KIF6: variants seen among roughly 807,000 people sequenced by gnomAD.
KIF6 encodes kinesin-like protein KIF6.
KIF6 carries 106 observed loss-of-function variants against 112.7 expected under a neutral mutation model. The observed-to-expected ratio is 0.94, with a 90% CI of 0.80 to 1.11. The LOEUF (loss-of-function observed/expected upper bound fraction) is 1.11, where lower values mean the gene tolerates loss of function less well. KIF6 is among the 50% of genes least tolerant of loss of function. The pLI is 0.00. For synonymous variants in KIF6, 339 were observed against 339.9 expected, an observed-to-expected ratio of 1.00 and a Z score of 0.03; for missense variants, 929 against 964.0, an observed-to-expected ratio of 0.96 and a Z score of 0.48.
chr6:39,508,389 A>G (rs1305512251), intron 13 of KIF6, among the ~76,000 whole-genome samples: 2 of 152,066 alleles, frequency 1.3e-5, no homozygotes, highest in African/African-American at 4.8e-5. Context: ...ATGGAGGGTG[A>G]GCCGAAGCAG....
chr6:39,611,917 C>G (rs971779072), intron 6 of KIF6, among the ~76,000 whole-genome samples: 2 of 151,756 alleles, frequency 1.3e-5, no homozygotes, highest in African/African-American at 2.4e-5. Flanking sequence ...ATTTGTAAAG[C>G]AAAACAAAAT....
At chr6:39,433,435 A>G (rs1265207155) in intron 13 of KIF6, among the ~76,000 whole-genome samples, 1 of 152,166 alleles carries the variant, frequency 6.6e-6, no homozygotes, top group Non-Finnish European at 1.5e-5. Flanking sequence ...AAAGACTTAC[A>G]ATGGAATAAA....
chr6:39,496,941 ATGCTAGATTAAT>A (rs1436952338), intron 13 of KIF6, among the ~76,000 whole-genome samples: 1 of 152,258 alleles, frequency 6.6e-6, no homozygotes, highest in African/African-American at 2.4e-5. Flanking sequence ...AACTGCCACC[ATGCTAGATTAAT>A]TGCTTGGGTC....
chr6:39,720,845 T>C (rs1406148876), intron 1 of KIF6, 34 bp from the exon 2 acceptor site: 2 of 932,764 alleles, frequency 2.1e-6, no homozygotes, highest in Admixed American at 3.5e-5. Context: ...GGATATAAAA[T>C]GGTGAAATTA....
chr6:39,498,725 A>C (rs1404731865), intron 13 of KIF6, among the ~76,000 whole-genome samples: 1 of 152,184 alleles, frequency 6.6e-6, no homozygotes, highest in African/African-American at 2.4e-5. Flanking sequence ...AGTCAATATA[A>C]TAAATATTTT....
At chr6:39,347,129 T>C (rs1763868441) in intron 19 of KIF6, among the ~76,000 whole-genome samples, 1 of 152,224 alleles carries the variant, frequency 6.6e-6, no homozygotes, top group African/African-American at 2.4e-5. Flanking sequence ...ATTTTATACA[T>C]GAGAAAACTG....
At chr6:39,344,040 T>C (rs1763520417) in intron 21 of KIF6, among the ~76,000 whole-genome samples, 1 of 152,048 alleles carries the variant, frequency 6.6e-6, no homozygotes, top group Non-Finnish European at 1.5e-5. Context: ...CCTGATATGG[T>C]TTGGCTGTGT....
chr6:39,336,973 TCTCTTTC>T lies in KIF6; in HGVS notation c.2429-432_2429-426del, dbSNP rs1464959513. Among the ~76,000 whole-genome samples the T allele has an allele frequency of 2.3e-3, 333 of 144,646 alleles. 2 individuals carry two copies. Among genetic ancestry groups the T allele is most frequent in the African/African-American group, 9.0e-3 (316 of 35,254 alleles). 94.9% of individuals were successfully genotyped at this position (144,646 alleles called of 152,430 possible). ...TCTCTTTCTTCTCTTTCATTCTTTC[TCTCTTTC>T]TCTCCCCTTCTTTCCTTCCTTTCTT... On this transcript the variant is annotated intron_variant, in intron 22 of 22. Transcript: ENST00000287152.
rs868498304 is a variant in KIF6 at position 39,515,402 on chromosome 6, C to A, written c.1645+24601G>T. Among the ~76,000 whole-genome samples, 43 of 152,194 alleles carry A rather than the reference C, an allele frequency of 2.8e-4. 1 individual carries two copies. The highest frequency in any genetic ancestry group is 8.9e-4 in the African/African-American group (37 of 41,446). On this transcript the variant is annotated intron_variant, in intron 13 of 22. Coordinates refer to ENST00000287152, the MANE Select transcript of KIF6 (RefSeq NM_145027.6). ...TGTACCCACATGAACTTGGCCCACTCTGTGCCCTCTCCTTGGGCGCAATCA... is the reference window on the plus strand; with the variant it reads ...TGTACCCACATGAACTTGGCCCACTATGTGCCCTCTCCTTGGGCGCAATCA...
intron 13 of KIF6, among the ~76,000 whole-genome samples, chr6:39,531,268 T>C (rs193077363): frequency 1.2e-4 from 18 of 152,340 alleles, no homozygotes; most frequent in Admixed American, 1.1e-3. Context: ...ACTTTATTCA[T>C]TCTCCAAACA....
At chr6:39,662,238 C>T (rs1786194656) in intron 3 of KIF6, among the ~76,000 whole-genome samples, 1 of 152,076 alleles carries the variant, frequency 6.6e-6, no homozygotes, top group Non-Finnish European at 1.5e-5. Context: ...TTAAGAGAGG[C>T]TGATTTACTA....
chr6:39,407,329 A>G (rs536179588), intron 15 of KIF6, among the ~76,000 whole-genome samples: 1 of 152,160 alleles, frequency 6.6e-6, no homozygotes, highest in Non-Finnish European at 1.5e-5. Flanking sequence ...TATAAACTTT[A>G]TATCTTTGAT....
At chr6:39,715,147 C>T (rs958414289) in intron 2 of KIF6, among the ~76,000 whole-genome samples, 9 of 152,230 alleles carry the variant, frequency 5.9e-5, no homozygotes, top group African/African-American at 2.2e-4. Context: ...AGCCAAGGAA[C>T]TTCTAATATC....
chr6:39,518,639 T>G (rs578163025), intron 13 of KIF6, among the ~76,000 whole-genome samples: 2 of 152,336 alleles, frequency 1.3e-5, no homozygotes, highest in South Asian at 4.1e-4. Flanking sequence ...AAAGATGTCA[T>G]GTATATATTC....
Position 39,385,644 on chromosome 6 carries a change from C to T in KIF6, c.1839G>A (p.Arg613=), listed in dbSNP as rs1319708043. The T allele has an allele frequency of 6.2e-7, 1 of 1,613,702 alleles. No homozygotes were observed. Among genetic ancestry groups the T allele is most frequent in the Non-Finnish European group, 8.5e-7 (1 of 1,179,734 alleles). ...IGHLKEEITQ[R]HIQQVALGIS... ...TACCTAGGGCTACTTGCTGTATATGCCGCTGGGTGATTTCTTCCTTCAGGT... is the reference window on the plus strand; with the variant it reads ...TACCTAGGGCTACTTGCTGTATATGTCGCTGGGTGATTTCTTCCTTCAGGT... Residue 613 remains arginine, a synonymous_variant, in exon 16 of 23, where the codon CGG becomes CGA. Coordinates refer to ENST00000287152, the MANE Select transcript of KIF6 (RefSeq NM_145027.6).
At chr6:39,673,311 T>C (rs1382523313) in intron 3 of KIF6, among the ~76,000 whole-genome samples, 1 of 152,190 alleles carries the variant, frequency 6.6e-6, no homozygotes, top group Non-Finnish European at 1.5e-5. Flanking sequence ...CCAAGTCTCA[T>C]ATAATACAGA....
chr6:39,344,211 C>T (rs546455924), intron 21 of KIF6, among the ~76,000 whole-genome samples: 8 of 152,158 alleles, frequency 5.3e-5, no homozygotes, highest in Non-Finnish European at 8.8e-5. Context: ...ACGAGGTTTC[C>T]CCTCTCACTT....
chr6:39,542,235 C>G (rs1379782468), intron 12 of KIF6, among the ~76,000 whole-genome samples: 1 of 152,182 alleles, frequency 6.6e-6, no homozygotes, highest in Non-Finnish European at 1.5e-5. Context: ...AATCTATCTT[C>G]TGTGCTGCCT....
intron 4 of KIF6, among the ~76,000 whole-genome samples, chr6:39,638,041 G>A (rs1015373661): frequency 1.4e-4 from 21 of 152,174 alleles, no homozygotes; most frequent in African/African-American, 5.1e-4. Context: ...TCCTTTGGGA[G>A]AGGATGAGTT....
Sources: allele counts gnomAD v4.1 joint callset (sites outside exome capture counted in the v4.1 genomes callset), GRCh38; gene constraint gnomAD v4.1.1; transcripts MANE v1.5; gene names NCBI Gene and HGNC (gene_info 2026-07-23, HGNC 2026-07-21).